Variants in AK9 observed in about 807,000 individuals in gnomAD.
AK9 encodes adenylate kinase domain containing 1.
In AK9, 191 loss-of-function variants were observed where a neutral mutation model predicts 239.6. The observed-to-expected ratio is 0.80, with a 90% CI of 0.71 to 0.90. The LOEUF (loss-of-function observed/expected upper bound fraction) is 0.90, where lower values mean the gene tolerates loss of function less well. AK9 is among the 40% of genes least tolerant of loss of function. AK9 has a pLI of 0.00. For missense variants in AK9, 1,995 were observed against 2,214.7 expected, an observed-to-expected ratio of 0.90 and a Z score of 1.99; for synonymous variants, 689 against 721.0, an observed-to-expected ratio of 0.96 and a Z score of 0.71.
chr6:109,511,117 A>G (rs2128109766), intron 32 of AK9, among the ~76,000 whole-genome samples: 1 of 138,776 alleles, frequency 7.2e-6, no homozygotes, highest in East Asian at 2.1e-4. Flanking sequence ...TTTTTTCTGC[A>G]TGAGGTGGCA....
chr6:109,518,174 G>A (rs970828639), intron 29 of AK9, among the ~76,000 whole-genome samples: 2 of 152,118 alleles, frequency 1.3e-5, no homozygotes, highest in Non-Finnish European at 2.9e-5. Context: ...GGGTGTGTGA[G>A]GGCAGGGAGG....
At chr6:109,683,687 T>G (rs944223856) in intron 1 of AK9, among the ~76,000 whole-genome samples, 1 of 152,152 alleles carries the variant, frequency 6.6e-6, no homozygotes, top group Non-Finnish European at 1.5e-5. Flanking sequence ...GAATACAACT[T>G]ACAAGAAATG....
At chr6:109,498,402 A>G (rs548344901) in intron 36 of AK9, among the ~76,000 whole-genome samples, 2 of 152,230 alleles carry the variant, frequency 1.3e-5, no homozygotes, top group South Asian at 2.1e-4. Context: ...TAAAAATTCT[A>G]TGATTACCAT....
chr6:109,598,304 A>G (rs1481946588), intron 17 of AK9, among the ~76,000 whole-genome samples: 1 of 146,242 alleles, frequency 6.8e-6, no homozygotes, highest in Non-Finnish European at 1.5e-5. Flanking sequence ...ATTCCCACCT[A>G]TGAGTGAGAA....
chr6:109,568,424 G>A (rs1478120444), intron 21 of AK9, among the ~76,000 whole-genome samples: 7 of 152,076 alleles, frequency 4.6e-5, no homozygotes, highest in African/African-American at 1.4e-4. Context: ...GGAAGTTCTG[G>A]CCAGGGAAAT....
rs553632074 is a variant in AK9 at position 109,675,158 on chromosome 6, C to T, written c.117+471G>A. ...TCCTATCTTCACATATCCACAGAGC[C>T]TCAAAACAAATTGCATAGGAAGTTT... On this transcript the variant is annotated intron_variant, in intron 2 of 40. Coordinates refer to ENST00000424296, the MANE Select transcript of AK9 (RefSeq NM_001145128.3). 1.1e-3 allele frequency among the ~76,000 whole-genome samples: 167 copies of T among 152,248 alleles called. 1 individual carries two copies. The South Asian group carries it at 0.017, about 16-fold the overall frequency.
In AK9 at chr6:109,633,310, C is replaced by T. The variant is rs193016763; in HGVS notation, c.947G>A (p.Arg316His). The change falls in exon 11 of 41, where the codon CGT (arginine) becomes CAT (histidine). Residue 316 changes from arginine (R) to histidine (H), a missense_variant. Arg to His is a conservative substitution (Grantham distance 29). Around this residue, in one of 5 missense-constraint regions of AK9, gnomAD observed 1,290 missense variants for 1,392.7 expected, o/e 0.93. Transcript: ENST00000424296. ...NDTMENDELF[R>H]TLASYKLIAP... is the part of the protein sequence containing the mutation. The stretch of plus-strand genomic sequence containing the variant: ...AATAAGTTTATAAGATGCAAGAGTA[C>T]GAAATAGCTCATCCTGTGAATTGCA... The T allele has an allele frequency of 8.3e-5, 133 of 1,598,430 alleles. No homozygotes were observed. Among genetic ancestry groups the T allele is most frequent in the South Asian group, 2.6e-4 (23 of 87,058 alleles).
rs1777206434 is a variant in AK9 at position 109,497,574 on chromosome 6, A to G, written c.5217-11T>C. 1 of 1,544,208 alleles carries G rather than the reference A, an allele frequency of 6.5e-7. No homozygotes were observed. Among genetic ancestry groups the G allele is most frequent in the Non-Finnish European group, 8.9e-7 (1 of 1,126,842 alleles). On this transcript the variant is annotated splice_polypyrimidine_tract_variant and intron_variant, in intron 37 of 40. Transcript: ENST00000424296. ...ACTAGAGCTTCATATCTGGAAGACC[A>G]AAAAACAAAACAAAACCTCTATTGT...
At chr6:109,603,385 C>G (rs114959225) in intron 17 of AK9, among the ~76,000 whole-genome samples, 5,443 of 152,206 alleles carry the variant, frequency 0.036, 325 homozygotes, top group African/African-American at 0.13. Context: ...TGCAGTACAG[C>G]GAATATTGCT....
At chr6:109,593,865 C>G (rs1000676490) in intron 17 of AK9, among the ~76,000 whole-genome samples, 1 of 152,186 alleles carries the variant, frequency 6.6e-6, no homozygotes, top group Non-Finnish European at 1.5e-5. Flanking sequence ...GAACATATCT[C>G]AAAATAATAA....
At chr6:109,527,425 A>C (rs1239069861) in intron 29 of AK9, among the ~76,000 whole-genome samples, 2 of 151,752 alleles carry the variant, frequency 1.3e-5, no homozygotes, top group Non-Finnish European at 2.9e-5. Flanking sequence ...AATGTGAGAA[A>C]CCCCCCTGGA....
chr6:109,557,726 T>C (rs565468153), intron 24 of AK9, among the ~76,000 whole-genome samples: 6 of 152,362 alleles, frequency 3.9e-5, no homozygotes, highest in Non-Finnish European at 7.3e-5. Flanking sequence ...TGAATGGGCA[T>C]GTGCTCTCCT....
chr6:109,534,809 A>C (rs921331021), intron 27 of AK9, among the ~76,000 whole-genome samples: 5 of 151,740 alleles, frequency 3.3e-5, no homozygotes, highest in Admixed American at 3.3e-4. Context: ...CCTGTGTCCA[A>C]ATGTTCTCAT....
At chr6:109,517,318 C>A (rs1333338344) in intron 29 of AK9, among the ~76,000 whole-genome samples, 1 of 152,134 alleles carries the variant, frequency 6.6e-6, no homozygotes, top group Non-Finnish European at 1.5e-5. Context: ...TTAAAAATTT[C>A]TTTGGTACTC....
intron 17 of AK9, among the ~76,000 whole-genome samples, chr6:109,603,382 C>T (rs934912451): frequency 2.6e-5 from 4 of 152,230 alleles, no homozygotes; most frequent in African/African-American, 4.8e-5. Context: ...GGCTGCAGTA[C>T]AGCGAATATT....
intron 12 of AK9, among the ~76,000 whole-genome samples, chr6:109,628,683 A>G (rs1295335938): frequency 6.6e-6 from 1 of 152,070 alleles, no homozygotes; most frequent in African/African-American, 2.4e-5. Context: ...TCATCTTACT[A>G]TTATTTTATG....
intron 3 of AK9, 128 bp downstream of exon 3, chr6:109,674,070 A>G: frequency 1.7e-6 from 1 of 578,606 alleles, no homozygotes; most frequent in East Asian, 3.5e-5. Context: ...GATAAAGCAA[A>G]TATAGCAAAA....
intron 17 of AK9, 21 bp downstream of exon 17, chr6:109,610,344 T>C (rs186746119): frequency 1.3e-6 from 2 of 1,549,648 alleles, no homozygotes; most frequent in Admixed American, 2.0e-5. Context: ...CTGATAAGAA[T>C]TGCCCAGCTA....
At chr6:109,500,638 T>C (rs1562318670) in intron 35 of AK9, among the ~76,000 whole-genome samples, 2 of 152,330 alleles carry the variant, frequency 1.3e-5, no homozygotes, top group East Asian at 1.9e-4. Context: ...TCATCTGCAA[T>C]GTACTATTAC....
Sources: allele counts gnomAD v4.1 joint callset (sites outside exome capture counted in the v4.1 genomes callset), GRCh38; gene constraint gnomAD v4.1.1; regional missense constraint gnomAD v4.1.1; transcripts MANE v1.5; gene names NCBI Gene and HGNC (gene_info 2026-07-23, HGNC 2026-07-21).